MTF2: variants seen among roughly 807,000 people sequenced by gnomAD.
The protein encoded by MTF2 is metal-response element-binding transcription factor 2.
Under a neutral mutation model 79.5 loss-of-function variants are expected in MTF2, and 11 were observed. The observed-to-expected ratio is 0.14, with a 90% CI of 0.09 to 0.23. The LOEUF is 0.23. MTF2 is among the 10% of genes least tolerant of loss of function. MTF2 has a pLI of 1.00. For synonymous variants in MTF2, 208 were observed against 232.8 expected (o/e 0.89, Z 0.97); for missense variants, 486 against 711.2 (o/e 0.68, Z 3.60).
intron 10 of MTF2, among the ~76,000 whole-genome samples, chr1:93,128,060 G>T (rs1210274115): frequency 2.0e-5 from 3 of 151,958 alleles, no homozygotes; most frequent in African/African-American, 7.3e-5. Context: ...AGCTCAAAAA[G>T]CCATGAGGTA....
chr1:93,084,644 C>A (rs372757761), intron 1 of MTF2, among the ~76,000 whole-genome samples: 130 of 152,170 alleles, frequency 8.5e-4, no homozygotes, highest in Non-Finnish European at 1.7e-3. Flanking sequence ...TTATATAGAT[C>A]TTATTTAATT....
At chr1:93,108,268 T>TCG (rs1553152140) in intron 1 of MTF2, among the ~76,000 whole-genome samples, 1 of 151,174 alleles carries the variant, frequency 6.6e-6, no homozygotes, top group Non-Finnish European at 1.5e-5. Context: ...TTGGTATTCT[T>TCG]TGTGTGTGTG....
chr1:93,100,051 A>G (rs1419722478), intron 1 of MTF2, among the ~76,000 whole-genome samples: 1 of 152,200 alleles, frequency 6.6e-6, no homozygotes, highest in African/African-American at 2.4e-5. Context: ...TGAATTATCA[A>G]CTTCAATAGC....
intron 11 of MTF2, among the ~76,000 whole-genome samples, chr1:93,130,960 C>CAT (rs1054783653): frequency 6.6e-6 from 1 of 151,956 alleles, no homozygotes; most frequent in African/African-American, 2.4e-5. Flanking sequence ...CACACACACA[C>CAT]ACACACACAC....
At chr1:93,128,898 C>G (rs1656811265) in intron 10 of MTF2, 1 of 154,188 alleles carries the variant, frequency 6.5e-6, no homozygotes, top group African/African-American at 2.4e-5. Context: ...TAAATCCACT[C>G]TGAGATGGAA....
At chr1:93,133,873 A>AT (rs1288056772) in intron 12 of MTF2, 55 bp from the exon 13 acceptor site, 3 of 1,533,082 alleles carry the variant, frequency 2.0e-6, no homozygotes, top group Non-Finnish European at 1.8e-6. Flanking sequence ...AGAAGCTAGT[A>AT]TTTTTTTCAG....
At chr1:93,126,188 C>G (rs536348797) in intron 9 of MTF2, among the ~76,000 whole-genome samples, 15 of 151,734 alleles carry the variant, frequency 9.9e-5, no homozygotes, top group African/African-American at 3.6e-4. Flanking sequence ...AGCATATTGG[C>G]ACAGAGTGGG....
chr1:93,136,568 G>A, intron 14 of MTF2, 102 bp from the exon 15 acceptor site: 1 of 934,782 alleles, frequency 1.1e-6, no homozygotes, highest in Admixed American at 2.3e-5. Flanking sequence ...TATCATCAAG[G>A]ATATATGGTA....
At chr1:93,120,299 A>G in intron 8 of MTF2, 1 of 221,932 alleles carries the variant, frequency 4.5e-6, no homozygotes, top group Non-Finnish European at 8.2e-6. Context: ...CTCTGTCTCC[A>G]AGAAAAAAAA....
At chr1:93,109,243 A>G (rs1200219828) in intron 1 of MTF2, among the ~76,000 whole-genome samples, 1 of 152,166 alleles carries the variant, frequency 6.6e-6, no homozygotes. Flanking sequence ...CTGTTTATGG[A>G]ATGTCTGATA....
chr1:93,117,346 A>G (rs933786396), intron 6 of MTF2, among the ~76,000 whole-genome samples: 3 of 152,128 alleles, frequency 2.0e-5, no homozygotes, highest in Non-Finnish European at 4.4e-5. Context: ...AGCTTGGTCA[A>G]TGTAGCAATG....
At position 93,113,825 on chromosome 1, in the gene MTF2, A is replaced by C. The variant is rs1263833339; in HGVS notation, c.287-863A>C. Among the ~76,000 whole-genome samples the C allele has an allele frequency of 3.3e-5, 5 of 152,226 alleles. No homozygotes were observed. In the East Asian group the frequency reaches 7.7e-4, roughly 23 times the overall value. On this transcript the variant is annotated intron_variant, in intron 3 of 14. Transcript: ENST00000370298. ...ATTTATAAGTTAGTTGTAGAATTAA[A>C]CAAAATATATCAAGATCCTACACAG...
At chr1:93,099,934 C>G (rs1655457732) in intron 1 of MTF2, among the ~76,000 whole-genome samples, 1 of 152,074 alleles carries the variant, frequency 6.6e-6, no homozygotes, top group Non-Finnish European at 1.5e-5. Context: ...CTTTGCATGA[C>G]CAATATTTAC....
intron 11 of MTF2, 99 bp downstream of exon 11, chr1:93,129,547 C>A: frequency 3.6e-6 from 3 of 843,442 alleles, no homozygotes; most frequent in Non-Finnish European, 5.0e-6. Context: ...GTACAAGTGG[C>A]AGTTACTCTG....
At chr1:93,114,565 G>A in intron 3 of MTF2, 123 bp from the exon 4 acceptor site, 2 of 600,476 alleles carry the variant, frequency 3.3e-6, no homozygotes, top group Non-Finnish European at 5.7e-6. Flanking sequence ...ACTTTGTCTT[G>A]TGAAGCATTA....
Position 93,115,130 on chromosome 1 carries a change from G to A in MTF2, c.483+42G>A, listed in dbSNP as rs1470379754. The A allele has an allele frequency of 1.3e-5, 18 of 1,387,124 alleles. 1 individual carries two copies. The South Asian group carries it at 1.3e-4, about 10-fold the overall frequency. The allele number at this position is 1,387,124 out of a possible 1,614,324, so 85.9% of individuals were successfully genotyped here. Reference sequence around the variant, plus strand: ...TTGGGCTAAAGCTCTGATGGAATTTGTAAGACATTATCAACATAATGATTG... The same window carrying A: ...TTGGGCTAAAGCTCTGATGGAATTTATAAGACATTATCAACATAATGATTG... On this transcript the variant is annotated intron_variant, in intron 5 of 14. Coordinates refer to ENST00000370298, the MANE Select transcript of MTF2 (RefSeq NM_007358.4).
Position 93,134,106 on chromosome 1 carries a change from T to A in MTF2, c.1335T>A (p.Thr445=). The A allele has an allele frequency of 2.5e-6, 4 of 1,612,264 alleles. No homozygotes were observed. Among genetic ancestry groups the A allele is most frequent in the Non-Finnish European group, 3.4e-6 (4 of 1,179,180 alleles). Residue 445 remains threonine, a synonymous_variant, in exon 14 of 15, where the codon ACT becomes ACA. Transcript: ENST00000370298. ...LPCSIGRTEG[T]AHSSNTSDVD... ...TTTGTCTCAGGAGAACTGAGGGAACTGCACATTCATCCAATACCTCAGATG... is the reference window on the plus strand; with the variant it reads ...TTTGTCTCAGGAGAACTGAGGGAACAGCACATTCATCCAATACCTCAGATG...
Position 93,129,392 on chromosome 1 carries a change from A to G in MTF2, c.1104A>G (p.Thr368=). 6.3e-7 allele frequency: 1 copy of G among 1,578,044 alleles called. No homozygotes were observed. The highest frequency in any genetic ancestry group is 8.7e-7 in the Non-Finnish European group (1 of 1,155,372). The change falls in exon 11 of 15, where the codon ACA becomes ACG. Residue 368 remains threonine (T), a synonymous_variant. Coordinates refer to ENST00000370298, the MANE Select transcript of MTF2 (RefSeq NM_007358.4). ...AAGCAGAGAAAGAACCTGAAGGAAC[A>G]TCTCATGAATTTAAAATTAAAGGCA... is the stretch of plus-strand genomic sequence containing the variant. ...AFKAEKEPEG[T]SHEFKIKGRK...
chr1:93,079,314 G>A lies in MTF2; in HGVS notation c.-213G>A. Reference sequence around the variant, plus strand: ...CGGGAAACCAAAATGGCGAGGGGCTGTATTGAAGTGGGCTGTGTTTGAGGC... The same window carrying A: ...CGGGAAACCAAAATGGCGAGGGGCTATATTGAAGTGGGCTGTGTTTGAGGC... On this transcript the variant is annotated 5_prime_UTR_variant, in exon 1 of 15. Transcript: ENST00000370298. 1.7e-6 allele frequency: 1 copy of A among 599,982 alleles called. No homozygotes were observed. Among genetic ancestry groups the A allele is most frequent in the Non-Finnish European group, 3.0e-6 (1 of 335,962 alleles). The allele number at this position is 599,982 out of a possible 1,614,324, so 37.2% of individuals were successfully genotyped here. A position where few individuals can be genotyped will look rare whatever the true frequency, so the allele number is the denominator to read the frequency against.
Sources: gnomAD v4.1 joint callset for allele counts (sites outside exome capture counted in the v4.1 genomes callset) on GRCh38, gnomAD v4.1.1 for gene constraint, MANE v1.5 for transcripts, NCBI Gene and HGNC (gene_info 2026-07-23, HGNC 2026-07-21) for gene names.